The following SUPT3H variants were observed in gnomAD, a reference collection of about 807,000 sequenced individuals.
The protein encoded by SUPT3H is SPT3 homolog, SAGA and STAGA complex component, also known as transcription initiation protein SPT3 homolog.
SUPT3H carries 44 observed loss-of-function variants against 44.3 expected under a neutral mutation model. The observed-to-expected ratio is 0.99, with a 90% CI of 0.78 to 1.28. The LOEUF (loss-of-function observed/expected upper bound fraction) is 1.28, where lower values mean the gene tolerates loss of function less well. Ranked by LOEUF, SUPT3H falls within the 50% of genes most tolerant of loss-of-function variation. SUPT3H has a pLI of 0.00. For missense variants in SUPT3H, 380 were observed against 387.1 expected (o/e 0.98, Z 0.15); for synonymous variants, 124 against 125.6 (o/e 0.99, Z 0.09).
chr6:44,849,490 G>A (rs1257349305), intron 10 of SUPT3H, among the ~76,000 whole-genome samples: 1 of 152,008 alleles, frequency 6.6e-6, no homozygotes, highest in Non-Finnish European at 1.5e-5. Flanking sequence ...GCCTCCCAAA[G>A]TGCTGGGATT....
At chr6:45,270,166 A>G (rs924005497) in intron 2 of SUPT3H, among the ~76,000 whole-genome samples, 1 of 152,214 alleles carries the variant, frequency 6.6e-6, no homozygotes, top group Non-Finnish European at 1.5e-5. Context: ...TATGTTCAAC[A>G]TAAGCTCCAT....
At chr6:44,820,682 A>C (rs973982042) in intron 11 of SUPT3H, among the ~76,000 whole-genome samples, 1 of 152,212 alleles carries the variant, frequency 6.6e-6, no homozygotes, top group Non-Finnish European at 1.5e-5. Context: ...CAGAGTCTAC[A>C]TTCTAGAGGG....
At chr6:45,188,727 C>T (rs1814655349) in intron 2 of SUPT3H, among the ~76,000 whole-genome samples, 2 of 151,804 alleles carry the variant, frequency 1.3e-5, no homozygotes, top group Non-Finnish European at 1.5e-5. Context: ...AATTCAACAT[C>T]ATTTCATGAT....
chr6:45,365,478 G>C (rs548473327), intron 1 of SUPT3H, among the ~76,000 whole-genome samples, 177 bp from the exon 2 acceptor site: 2 of 151,572 alleles, frequency 1.3e-5, no homozygotes, highest in South Asian at 2.1e-4. Flanking sequence ...GAAATAGCAA[G>C]GTGGAAAAAA....
rs75848376 is a variant in SUPT3H at position 45,350,906 on chromosome 6, G to A, written c.101+14295C>T. ...GGCCTGTTGGGAACCAGGCTGCACA[G>A]CAAGAGCGAACACTACCACCTCAGC... is the stretch of plus-strand genomic sequence containing the variant. On this transcript the variant is annotated intron_variant, in intron 2 of 10. Coordinates refer to ENST00000371459, the MANE Select transcript of SUPT3H (RefSeq NM_003599.4). Among the ~76,000 whole-genome samples, 1,206 of 152,226 alleles carry A rather than the reference G, an allele frequency of 7.9e-3. 24 individuals carry two copies. The highest frequency in any genetic ancestry group is 0.027 in the African/African-American group (1,135 of 41,526).
At chr6:44,960,910 T>C (rs925868713) in intron 7 of SUPT3H, among the ~76,000 whole-genome samples, 1 of 152,214 alleles carries the variant, frequency 6.6e-6, no homozygotes. Context: ...AATCTATAAA[T>C]GAAGCTCTCC....
chr6:44,834,243 T>A (rs1243883569), intron 10 of SUPT3H, among the ~76,000 whole-genome samples: 1 of 152,208 alleles, frequency 6.6e-6, no homozygotes, highest in Middle Eastern at 3.2e-3. Context: ...ATTTTCAGAA[T>A]CTGTCATGAT....
intron 2 of SUPT3H, among the ~76,000 whole-genome samples, chr6:45,245,554 T>C (rs1042008389): frequency 6.6e-6 from 1 of 152,164 alleles, no homozygotes; most frequent in Non-Finnish European, 1.5e-5. Flanking sequence ...CTTTTAGGTC[T>C]GCTTTATTTC....
intron 2 of SUPT3H, among the ~76,000 whole-genome samples, chr6:45,286,038 G>T (rs1200974805): frequency 7.0e-6 from 1 of 142,192 alleles, no homozygotes; most frequent in Non-Finnish European, 1.5e-5. Flanking sequence ...AAACTGGCTA[G>T]CCATATGTAG....
At chr6:44,998,302 C>T (rs1256473820) in intron 6 of SUPT3H, among the ~76,000 whole-genome samples, 1 of 151,900 alleles carries the variant, frequency 6.6e-6, no homozygotes, top group African/African-American at 2.4e-5. Context: ...CTTTGAGTTA[C>T]TGATTTATCC....
intron 9 of SUPT3H, among the ~76,000 whole-genome samples, chr6:44,950,216 C>T (rs1384504226): frequency 6.6e-6 from 1 of 152,178 alleles, no homozygotes; most frequent in African/African-American, 2.4e-5. Context: ...TCTTCAGACA[C>T]CTGCCCCCTT....
intron 2 of SUPT3H, among the ~76,000 whole-genome samples, chr6:45,364,675 T>C (rs1794831307): frequency 6.6e-6 from 1 of 152,198 alleles, no homozygotes; most frequent in Non-Finnish European, 1.5e-5. Context: ...CTCTGCAATT[T>C]CCCAAAGATT....
At chr6:44,898,927 C>G (rs1764536405) in intron 10 of SUPT3H, 1 of 152,162 alleles carries the variant, frequency 6.6e-6, no homozygotes, top group Admixed American at 6.5e-5. Context: ...TTTTTATCAA[C>G]AGAAATTTGG....
At position 45,243,588 on chromosome 6, in the gene SUPT3H, C is replaced by T. The variant is rs149458571; in HGVS notation, c.101+121613G>A. ...GGCATAACTATATATTCTACAAACA[C>T]TGAAATGATAATAGGGTAATATTTT... is the stretch of plus-strand genomic sequence containing the variant. On this transcript the variant is annotated intron_variant, in intron 2 of 10. Coordinates refer to ENST00000371459, the MANE Select transcript of SUPT3H (RefSeq NM_003599.4). Among the ~76,000 whole-genome samples the T allele has an allele frequency of 2.1e-3, 326 of 152,194 alleles. 1 individual carries two copies. The highest frequency in any genetic ancestry group is 7.5e-3 in the African/African-American group (312 of 41,538).
intron 3 of SUPT3H, among the ~76,000 whole-genome samples, chr6:45,024,157 A>G (rs1770906581): frequency 6.6e-6 from 1 of 152,196 alleles, no homozygotes; most frequent in Admixed American, 6.5e-5. Flanking sequence ...CAACTTTGTT[A>G]GGAAAAAACT....
intron 3 of SUPT3H, among the ~76,000 whole-genome samples, chr6:45,028,922 GA>G (rs1162327385): frequency 1.2e-3 from 97 of 79,562 alleles, no homozygotes; most frequent in African/African-American, 4.6e-3. Context: ...AAAAAAAAAA[GA>G]AAGAAAGATA....
chr6:44,860,850 T>C (rs749124362), intron 10 of SUPT3H, among the ~76,000 whole-genome samples: 12 of 152,242 alleles, frequency 7.9e-5, no homozygotes, highest in Non-Finnish European at 1.6e-4. Flanking sequence ...ATATACTCAA[T>C]GTAGAACATT....
In SUPT3H at chr6:45,011,621, G is replaced by A. The variant is rs561575910; in HGVS notation, c.364+3180C>T. 2.6e-5 allele frequency among the ~76,000 whole-genome samples: 4 copies of A among 151,784 alleles called. No homozygotes were observed. The South Asian group carries it at 8.3e-4, about 31-fold the overall frequency. ...CAACATAACAATTTTTATATACATA[G>A]TGTTTTATATAGCTGCTTTATAAAT... On this transcript the variant is annotated intron_variant, in intron 5 of 10. Transcript: ENST00000371459.
chr6:45,277,948 A>T (rs1015421166), intron 2 of SUPT3H, among the ~76,000 whole-genome samples: 8 of 152,182 alleles, frequency 5.3e-5, no homozygotes, highest in Middle Eastern at 6.3e-3. Flanking sequence ...ATGCAGCCAT[A>T]AAAAAGGATG....
Sources: gnomAD v4.1 joint callset for allele counts (sites outside exome capture counted in the v4.1 genomes callset) on GRCh38, gnomAD v4.1.1 for gene constraint, MANE v1.5 for transcripts, NCBI Gene and HGNC (gene_info 2026-07-23, HGNC 2026-07-21) for gene names.